Variants in HS6ST3 observed in about 807,000 individuals in gnomAD.
The protein encoded by HS6ST3 is heparan-sulfate 6-O-sulfotransferase 3.
A neutral mutation model predicts 36.7 loss-of-function variants in HS6ST3; 12 were observed. The ratio of observed to expected loss-of-function variants is 0.33; its 90% CI spans 0.21 to 0.53. The LOEUF is 0.53. Among genes scored for constraint, HS6ST3 ranks in the 20% least tolerant of loss-of-function variants. The probability of loss-of-function intolerance (pLI) is 0.95; values close to 1 mark genes in which losing one functional copy is unlikely to be tolerated. For missense variants in HS6ST3, 584 were observed against 640.9 expected, an observed-to-expected ratio of 0.91 and a Z score of 0.96; for synonymous variants, 240 against 257.5, an observed-to-expected ratio of 0.93 and a Z score of 0.65.
intron 1 of HS6ST3, among the ~76,000 whole-genome samples, chr13:96,283,005 A>G (rs77499225): frequency 1.3e-5 from 2 of 152,268 alleles, no homozygotes; most frequent in East Asian, 1.9e-4. Flanking sequence ...CCCAGTTCCA[A>G]AAGTCCCTGA....
chr13:96,444,736 A>G (rs2055689924), intron 1 of HS6ST3, among the ~76,000 whole-genome samples: 1 of 152,238 alleles, frequency 6.6e-6, no homozygotes, highest in South Asian at 2.1e-4. Flanking sequence ...AAAGAATACA[A>G]TTACGTGGTA....
chr13:96,269,670 T>C (rs1290361640), intron 1 of HS6ST3, among the ~76,000 whole-genome samples: 2 of 152,018 alleles, frequency 1.3e-5, no homozygotes, highest in Non-Finnish European at 2.9e-5. Context: ...CGTCTTTAGC[T>C]TTGACTGAGT....
intron 1 of HS6ST3, among the ~76,000 whole-genome samples, chr13:96,766,780 T>C (rs1451233554): frequency 6.6e-6 from 1 of 152,176 alleles, no homozygotes; most frequent in South Asian, 2.1e-4. Context: ...CCAGCCATGA[T>C]GTTTGCCCTT....
At chr13:96,374,805 G>T (rs1277849636) in intron 1 of HS6ST3, among the ~76,000 whole-genome samples, 2 of 152,078 alleles carry the variant, frequency 1.3e-5, no homozygotes, top group African/African-American at 4.8e-5. Context: ...TATAAAACAA[G>T]GGGTACAGTA....
intron 1 of HS6ST3, among the ~76,000 whole-genome samples, chr13:96,190,146 A>G (rs573338626): frequency 2.4e-4 from 37 of 152,350 alleles, no homozygotes; most frequent in Middle Eastern, 3.4e-3. Flanking sequence ...ATAGGATCAT[A>G]TGTATTTGCA....
intron 1 of HS6ST3, among the ~76,000 whole-genome samples, chr13:96,205,605 G>A (rs1466889996): frequency 2.0e-5 from 3 of 152,142 alleles, no homozygotes; most frequent in African/African-American, 7.2e-5. Context: ...GAATTCAGCA[G>A]CACATCAAAA....
At chr13:96,566,294 A>C (rs749875927) in intron 1 of HS6ST3, among the ~76,000 whole-genome samples, 2 of 152,082 alleles carry the variant, frequency 1.3e-5, no homozygotes, top group Admixed American at 6.6e-5. Context: ...TAAACTAATA[A>C]TTTTTTTAGA....
At chr13:96,498,897 TGA>T (rs1456679748) in intron 1 of HS6ST3, among the ~76,000 whole-genome samples, 1 of 152,220 alleles carries the variant, frequency 6.6e-6, no homozygotes, top group East Asian at 1.9e-4. Context: ...AAGAAAAGAC[TGA>T]GTCATCCAGG....
chr13:96,296,193 A>G (rs930577134), intron 1 of HS6ST3, among the ~76,000 whole-genome samples: 1 of 152,170 alleles, frequency 6.6e-6, no homozygotes, highest in Non-Finnish European at 1.5e-5. Context: ...ATTCTACTGG[A>G]CAGCACTGTC....
chr13:96,405,036 C>T (rs529628977), intron 1 of HS6ST3, among the ~76,000 whole-genome samples: 3 of 152,170 alleles, frequency 2.0e-5, no homozygotes, highest in Admixed American at 6.5e-5. Flanking sequence ...ACTTTTTCCT[C>T]CTTGCCTCCC....
chr13:96,469,983 A>T (rs1030686708), intron 1 of HS6ST3, among the ~76,000 whole-genome samples: 1 of 152,222 alleles, frequency 6.6e-6, no homozygotes, highest in South Asian at 2.1e-4. Flanking sequence ...AAATATTGCT[A>T]CATACATATA....
intron 1 of HS6ST3, among the ~76,000 whole-genome samples, chr13:96,804,667 C>T (rs999836655): frequency 6.6e-6 from 1 of 151,972 alleles, no homozygotes; most frequent in Non-Finnish European, 1.5e-5. Context: ...TTCCTTCCTT[C>T]AGTGCAGTTT....
At chr13:96,556,796 A>G (rs2056242698) in intron 1 of HS6ST3, among the ~76,000 whole-genome samples, 1 of 152,162 alleles carries the variant, frequency 6.6e-6, no homozygotes, top group African/African-American at 2.4e-5. Context: ...AGAGGAAACA[A>G]TAGGAACTGT....
At chr13:96,451,218 C>T (rs1413506867) in intron 1 of HS6ST3, among the ~76,000 whole-genome samples, 7 of 151,844 alleles carry the variant, frequency 4.6e-5, no homozygotes, top group African/African-American at 1.7e-4. Flanking sequence ...GTCACATTAC[C>T]TATTTTTCTA....
At chr13:96,469,716 G>T (rs1263390768) in intron 1 of HS6ST3, among the ~76,000 whole-genome samples, 1 of 152,052 alleles carries the variant, frequency 6.6e-6, no homozygotes, top group Non-Finnish European at 1.5e-5. Flanking sequence ...AGAGATAGTA[G>T]TGGTGGTGAT....
chr13:96,215,005 A>C (rs773092895), intron 1 of HS6ST3, among the ~76,000 whole-genome samples: 1 of 151,984 alleles, frequency 6.6e-6, no homozygotes, highest in Non-Finnish European at 1.5e-5. Context: ...CTGCCCTCCC[A>C]CTTCCTCCCC....
At chr13:96,294,877 T>A (rs2054847297) in intron 1 of HS6ST3, among the ~76,000 whole-genome samples, 1 of 152,080 alleles carries the variant, frequency 6.6e-6, no homozygotes, top group South Asian at 2.1e-4. Context: ...TGTATTTATA[T>A]AAATGTGATA....
chr13:96,225,006 A>G (rs2054473475), intron 1 of HS6ST3, among the ~76,000 whole-genome samples: 1 of 152,196 alleles, frequency 6.6e-6, no homozygotes, highest in South Asian at 2.1e-4. Flanking sequence ...AGTTGAATGC[A>G]TGGTTTGTGC....
intron 1 of HS6ST3, among the ~76,000 whole-genome samples, chr13:96,442,348 T>A (rs1442095745): frequency 6.6e-6 from 1 of 152,072 alleles, no homozygotes; most frequent in African/African-American, 2.4e-5. Context: ...GACACAAAGG[T>A]TAAATGAAGA....
Sources: allele counts gnomAD v4.1 joint callset (sites outside exome capture counted in the v4.1 genomes callset), GRCh38; gene constraint gnomAD v4.1.1; transcripts MANE v1.5; gene names NCBI Gene and HGNC (gene_info 2026-07-23, HGNC 2026-07-21).